TTC13: variants seen among roughly 807,000 people sequenced by gnomAD.
TTC13 encodes the protein tetratricopeptide repeat protein 13.
A neutral mutation model predicts 120.0 loss-of-function variants in TTC13; 62 were observed. The observed-to-expected ratio is 0.52, with a 90% CI of 0.42 to 0.64. The LOEUF (loss-of-function observed/expected upper bound fraction) is 0.64, where lower values mean the gene tolerates loss of function less well. Among genes scored for constraint, TTC13 ranks in the 30% least tolerant of loss-of-function variants. The probability of loss-of-function intolerance (pLI) is 0.00; values close to 1 mark genes in which losing one functional copy is unlikely to be tolerated. For missense variants in TTC13, 824 were observed against 1,050.2 expected (o/e 0.78, Z 2.98); for synonymous variants, 384 against 393.5 (o/e 0.98, Z 0.28).
intron 3 of TTC13, among the ~76,000 whole-genome samples, chr1:230,955,786 T>C (rs950447142): frequency 5.9e-5 from 9 of 151,900 alleles, no homozygotes; most frequent in African/African-American, 2.2e-4. Flanking sequence ...ACCATAATAA[T>C]ATAAGCACTT....
intron 14 of TTC13, among the ~76,000 whole-genome samples, chr1:230,924,398 T>C (rs1043274312): frequency 6.6e-6 from 1 of 152,220 alleles, no homozygotes; most frequent in African/African-American, 2.4e-5. Context: ...AGTGGCGCGA[T>C]CTCGGCTCAC....
At chr1:230,947,820 T>C (rs1004017931) in intron 4 of TTC13, among the ~76,000 whole-genome samples, 4 of 152,188 alleles carry the variant, frequency 2.6e-5, no homozygotes, top group African/African-American at 9.7e-5. Context: ...AAATAAGCAG[T>C]TATTCTACAA....
rs775425838 is a variant in TTC13 at position 230,921,431 on chromosome 1, C to T, written c.1888G>A (p.Val630Ile). The T allele has an allele frequency of 6.7e-7, 1 of 1,499,658 alleles. No homozygotes were observed. The highest frequency in any genetic ancestry group is 9.1e-7 in the Non-Finnish European group (1 of 1,093,230). The allele number at this position is 1,499,658 out of a possible 1,614,324, so 92.9% of individuals were successfully genotyped here. A position where few individuals can be genotyped will look rare whatever the true frequency, so the allele number is the denominator to read the frequency against. The change falls in exon 16 of 23, where the codon GTT becomes ATT. Residue 630 changes from valine (V) to isoleucine (I), a missense_variant. Physicochemically the swap from Val to Ile is conservative, Grantham distance 29 (BLOSUM62 3). Transcript: ENST00000366661. ...ILHFIKDRIL[V>I]YHGANNPKGL... ...AAATTAAAGGCTTACCCATGATAAACAAGAATTCTGTCTTTAATAAAATGA... is the reference window on the plus strand; with the variant it reads ...AAATTAAAGGCTTACCCATGATAAATAAGAATTCTGTCTTTAATAAAATGA...
intron 4 of TTC13, among the ~76,000 whole-genome samples, chr1:230,947,535 C>A (rs6664927): frequency 3.3e-5 from 5 of 151,634 alleles, no homozygotes; most frequent in African/African-American, 1.2e-4. Context: ...CATAAAATAC[C>A]GTAACACTAA....
At chr1:230,969,479 C>T (rs1000033650) in intron 1 of TTC13, among the ~76,000 whole-genome samples, 5 of 152,136 alleles carry the variant, frequency 3.3e-5, no homozygotes, top group Admixed American at 6.5e-5. Flanking sequence ...ATTTATTATA[C>T]TTGCTTATTC....
chr1:230,965,101 G>T (rs1462976509), intron 1 of TTC13, among the ~76,000 whole-genome samples: 2 of 152,058 alleles, frequency 1.3e-5, no homozygotes, highest in African/African-American at 4.8e-5. Context: ...ACAAACACAG[G>T]CAACCAAAGC....
chr1:230,970,505 G>C (rs1162451532), intron 1 of TTC13, among the ~76,000 whole-genome samples: 1 of 152,190 alleles, frequency 6.6e-6, no homozygotes, highest in East Asian at 1.9e-4. Context: ...AGCTGAACTA[G>C]GCAGAGGCAC....
chr1:230,946,177 C>A (rs185678523), intron 4 of TTC13, among the ~76,000 whole-genome samples: 34 of 152,250 alleles, frequency 2.2e-4, no homozygotes, highest in African/African-American at 7.5e-4. Context: ...TTAGCCTCTA[C>A]AATTTTTACT....
intron 1 of TTC13, among the ~76,000 whole-genome samples, chr1:230,961,903 A>T (rs1676672810): frequency 6.6e-6 from 1 of 152,056 alleles, no homozygotes; most frequent in African/African-American, 2.4e-5. Flanking sequence ...AACCAGTGAG[A>T]CTTAAATGTT....
chr1:230,924,419 G>A (rs1672866330), intron 14 of TTC13, among the ~76,000 whole-genome samples: 1 of 152,140 alleles, frequency 6.6e-6, no homozygotes, highest in Admixed American at 6.5e-5. Context: ...TGCAAGCTCC[G>A]CCTCCTGGGT....
At chr1:230,973,029 A>G (rs1677921176) in intron 1 of TTC13, among the ~76,000 whole-genome samples, 1 of 152,228 alleles carries the variant, frequency 6.6e-6, no homozygotes. Flanking sequence ...AATGCCTTGA[A>G]AAACAAGATA....
At position 230,955,460 on chromosome 1, in the gene TTC13, G is replaced by A. The variant is rs1253921040; in HGVS notation, c.443-1057C>T. 2.6e-5 allele frequency among the ~76,000 whole-genome samples: 4 copies of A among 151,046 alleles called. No individual in the cohort carries two copies. The East Asian group carries it at 5.8e-4, about 22-fold the overall frequency. Reference sequence around the variant, plus strand: ...AGGCAGATCACAAGGTCAGGAGATCGAGACCATCCTGGCTAACACGGTGAA... The same window carrying A: ...AGGCAGATCACAAGGTCAGGAGATCAAGACCATCCTGGCTAACACGGTGAA... On this transcript the variant is annotated intron_variant, in intron 3 of 22. Transcript: ENST00000366661.
intron 3 of TTC13, among the ~76,000 whole-genome samples, chr1:230,956,149 C>T (rs569847595): frequency 6.6e-6 from 1 of 152,354 alleles, no homozygotes; most frequent in East Asian, 1.9e-4. Flanking sequence ...AGTGGTTAAA[C>T]TAGCTGTCCA....
chr1:230,958,564 T>C (rs952420522), intron 2 of TTC13, among the ~76,000 whole-genome samples: 2 of 152,204 alleles, frequency 1.3e-5, no homozygotes, highest in African/African-American at 2.4e-5. Flanking sequence ...AGCTTCAAGA[T>C]GTGGCAGATT....
chr1:230,927,501 T>C (rs1673146225), intron 12 of TTC13, among the ~76,000 whole-genome samples: 1 of 152,222 alleles, frequency 6.6e-6, no homozygotes, highest in African/African-American at 2.4e-5. Flanking sequence ...GTTTTCCCTG[T>C]GGTAAAATTA....
rs532096189 is a variant in TTC13, at chr1:230,923,192, T to C, written c.1814+649A>G. On this transcript the variant is annotated intron_variant, in intron 15 of 22. Transcript: ENST00000366661. Reference sequence around the variant, plus strand: ...TTCACTAAAAGATGGGCTGATAATATAGGTCCCCAAGAAACTGATATCCTT... The same window carrying C: ...TTCACTAAAAGATGGGCTGATAATACAGGTCCCCAAGAAACTGATATCCTT... Among the ~76,000 whole-genome samples, 12 of 152,298 alleles carry C rather than the reference T, an allele frequency of 7.9e-5. No homozygotes were observed. The East Asian group carries it at 1.9e-3, about 24-fold the overall frequency.
intron 1 of TTC13, among the ~76,000 whole-genome samples, chr1:230,970,490 CAG>C (rs1245491037): frequency 8.5e-5 from 13 of 152,158 alleles, no homozygotes; most frequent in Non-Finnish European, 1.2e-4. Flanking sequence ...AGCCAGTGAA[CAG>C]AGAGCTGAAC....
At position 230,978,180 on chromosome 1, in the gene TTC13, C is replaced by A. The variant is rs1678552363; in HGVS notation, c.271+380G>T. ...CCGCCGGGCTGGTTGCTCGTCCGCCCGCCCCTCCCTCGCCCCTTCGGCATC... is the reference window on the plus strand; with the variant it reads ...CCGCCGGGCTGGTTGCTCGTCCGCCAGCCCCTCCCTCGCCCCTTCGGCATC... On this transcript the variant is annotated intron_variant, in intron 1 of 22. Coordinates refer to ENST00000366661, the MANE Select transcript of TTC13 (RefSeq NM_024525.5). The surrounding 1 kb of genome is among the most constrained non-coding windows in gnomAD (Gnocchi z 5.6). Among the ~76,000 whole-genome samples the A allele has an allele frequency of 6.6e-6, 1 of 152,228 alleles. No individual in the cohort carries two copies. Among genetic ancestry groups the A allele is most frequent in the South Asian group, 2.1e-4 (1 of 4,838 alleles).
chr1:230,927,528 G>A (rs191530402), intron 12 of TTC13, among the ~76,000 whole-genome samples: 1 of 152,038 alleles, frequency 6.6e-6, no homozygotes, highest in East Asian at 1.9e-4. Flanking sequence ...CATGTCTTTT[G>A]CACACTTTTC....
Sources: gnomAD v4.1 joint callset for allele counts (sites outside exome capture counted in the v4.1 genomes callset) on GRCh38, gnomAD v4.1.1 for gene constraint, Gnocchi (gnomAD v3.1) non-coding constraint, MANE v1.5 for transcripts, NCBI Gene and HGNC (gene_info 2026-07-23, HGNC 2026-07-21) for gene names.